Variants in DCC observed in about 807,000 individuals in gnomAD.
DCC encodes DCC netrin 1 receptor.
In DCC, 58 loss-of-function variants were observed where a neutral mutation model predicts 172.5. The observed-to-expected ratio is 0.34, with a 90% CI of 0.27 to 0.42. DCC has a LOEUF of 0.42. Among genes scored for constraint, DCC ranks in the 10% least tolerant of loss-of-function variants. DCC has a pLI of 1.00. For synonymous variants in DCC, 709 were observed against 644.5 expected, an observed-to-expected ratio of 1.10 and a Z score of -1.52; for missense variants, 1,740 against 1,791.0, an observed-to-expected ratio of 0.97 and a Z score of 0.51.
At chr18:53,152,793 G>A (rs1457036304) in intron 7 of DCC, among the ~76,000 whole-genome samples, 1 of 152,194 alleles carries the variant, frequency 6.6e-6, no homozygotes, top group Non-Finnish European at 1.5e-5. Context: ...AGAAAGCATG[G>A]AGGATTAGTA....
At chr18:53,456,326 T>C (rs2045482284) in intron 23 of DCC, among the ~76,000 whole-genome samples, 1 of 152,154 alleles carries the variant, frequency 6.6e-6, no homozygotes, top group South Asian at 2.1e-4. Flanking sequence ...TGCCATGATC[T>C]GAGAAGGAGA....
At chr18:53,249,426 G>A (rs2056402613) in intron 12 of DCC, among the ~76,000 whole-genome samples, 1 of 151,754 alleles carries the variant, frequency 6.6e-6, no homozygotes, top group East Asian at 1.9e-4. Flanking sequence ...TACAATTAGG[G>A]TTTTATGACA....
intron 7 of DCC, among the ~76,000 whole-genome samples, chr18:53,116,216 G>A (rs2043406785): frequency 6.6e-6 from 1 of 151,654 alleles, no homozygotes; most frequent in Non-Finnish European, 1.5e-5. Context: ...AGGCACAAAG[G>A]GATTTCTTGA....
intron 22 of DCC, among the ~76,000 whole-genome samples, chr18:53,441,729 C>A (rs1355116433): frequency 6.6e-6 from 1 of 152,184 alleles, no homozygotes; most frequent in Non-Finnish European, 1.5e-5. Context: ...ATTTGGAGAA[C>A]TTCAATAACC....
At chr18:53,434,482 A>C (rs1911816087) in intron 21 of DCC, among the ~76,000 whole-genome samples, 2 of 152,290 alleles carry the variant, frequency 1.3e-5, no homozygotes, top group East Asian at 3.9e-4. Context: ...ATTTCTCTTA[A>C]ATACGGCTTT....
intron 2 of DCC, among the ~76,000 whole-genome samples, chr18:52,769,307 T>C (rs2037302835): frequency 6.6e-6 from 1 of 152,238 alleles, no homozygotes; most frequent in Admixed American, 6.5e-5. Context: ...TTATTTTAAT[T>C]TATCACTTCC....
chr18:52,754,209 C>T (rs2037041767), intron 2 of DCC: 1 of 152,160 alleles, frequency 6.6e-6, no homozygotes, highest in Non-Finnish European at 1.5e-5. Flanking sequence ...AAGTTGAAAT[C>T]TGAAAGATGT....
rs571290294 is a variant in DCC at position 53,048,588 on chromosome 18, C to T, written c.986-14717C>T. Among the ~76,000 whole-genome samples, 62 of 129,454 alleles carry T rather than the reference C, an allele frequency of 4.8e-4. No homozygotes were observed. The East Asian group carries it at 0.013, about 27-fold the overall frequency. The allele number at this position is 129,454 out of a possible 152,430, so 84.9% of individuals were successfully genotyped here. On this transcript the variant is annotated intron_variant, in intron 5 of 28. Coordinates refer to ENST00000442544, the MANE Select transcript of DCC (RefSeq NM_005215.4). ...ATATGTATGTGTGTGTATATATATA[C>T]GTATATACATACATGTATAAAAAAT...
intron 5 of DCC, among the ~76,000 whole-genome samples, chr18:52,938,407 G>C (rs1359851473): frequency 6.6e-6 from 1 of 152,112 alleles, no homozygotes; most frequent in African/African-American, 2.4e-5. Flanking sequence ...CATCCTAGTT[G>C]TTTGGGTTTG....
chr18:52,949,274 T>C (rs1282443114), intron 5 of DCC, among the ~76,000 whole-genome samples: 2 of 151,910 alleles, frequency 1.3e-5, no homozygotes, highest in African/African-American at 4.8e-5. Context: ...CCTAGAAGAG[T>C]TCTTGACTCT....
intron 2 of DCC, among the ~76,000 whole-genome samples, chr18:52,842,395 T>C (rs556721494): frequency 5.9e-5 from 9 of 152,170 alleles, no homozygotes; most frequent in South Asian, 2.1e-4. Context: ...ATCAGGAACA[T>C]TGAGGTAGGA....
At chr18:53,354,796 C>A (rs2057857990) in intron 15 of DCC, among the ~76,000 whole-genome samples, 1 of 84,158 alleles carries the variant, frequency 1.2e-5, no homozygotes. Context: ...GCTTTTGTTG[C>A]CAATGGGGTT....
At chr18:52,355,863 T>C (rs1341952172) in intron 1 of DCC, among the ~76,000 whole-genome samples, 2 of 152,114 alleles carry the variant, frequency 1.3e-5, no homozygotes, top group Non-Finnish European at 2.9e-5. Context: ...TGCAGAGGGA[T>C]TGAGTCTGGT....
At chr18:52,921,900 A>C (rs1262841457) in intron 3 of DCC, among the ~76,000 whole-genome samples, 1 of 151,912 alleles carries the variant, frequency 6.6e-6, no homozygotes, top group Non-Finnish European at 1.5e-5. Context: ...AAACATTTCT[A>C]CCGAGGAGCA....
intron 1 of DCC, among the ~76,000 whole-genome samples, chr18:52,628,560 C>A (rs2034616089): frequency 6.6e-6 from 1 of 152,166 alleles, no homozygotes; most frequent in Non-Finnish European, 1.5e-5. Flanking sequence ...TAACTCTGGG[C>A]TTGTAGGTCA....
chr18:52,397,685 C>T (rs1986282805), intron 1 of DCC, among the ~76,000 whole-genome samples: 1 of 152,002 alleles, frequency 6.6e-6, no homozygotes, highest in Non-Finnish European at 1.5e-5. Flanking sequence ...CTCTTTGGCC[C>T]TTTCACACAG....
At chr18:52,643,256 C>T (rs773373506) in intron 1 of DCC, among the ~76,000 whole-genome samples, 1 of 151,970 alleles carries the variant, frequency 6.6e-6, no homozygotes, top group Non-Finnish European at 1.5e-5. Context: ...TTTCTACCTG[C>T]CACATTTTCA....
chr18:52,674,079 T>C (rs922984981), intron 1 of DCC, among the ~76,000 whole-genome samples: 1 of 152,176 alleles, frequency 6.6e-6, no homozygotes, highest in Non-Finnish European at 1.5e-5. Flanking sequence ...TATTATACCA[T>C]TGACCAAAGG....
At chr18:53,081,587 C>T (rs754640030) in intron 7 of DCC, among the ~76,000 whole-genome samples, 7 of 151,838 alleles carry the variant, frequency 4.6e-5, no homozygotes, top group Admixed American at 1.3e-4. Context: ...TGTTTAAGAA[C>T]GTCACATGTG....
Sources: allele counts gnomAD v4.1 joint callset (sites outside exome capture counted in the v4.1 genomes callset), GRCh38; gene constraint gnomAD v4.1.1; transcripts MANE v1.5; gene names NCBI Gene and HGNC (gene_info 2026-07-23, HGNC 2026-07-21).